The following JAK1 variants were observed in gnomAD, a reference collection of about 807,000 sequenced individuals.
JAK1 encodes the protein tyrosine-protein kinase JAK1.
JAK1 carries 16 observed loss-of-function variants against 136.6 expected under a neutral mutation model. The observed-to-expected ratio is 0.12, with a 90% confidence interval of 0.08 to 0.18. The LOEUF (loss-of-function observed/expected upper bound fraction) is 0.18, where lower values mean the gene tolerates loss of function less well. Among genes scored for constraint, JAK1 ranks in the 10% least tolerant of loss-of-function variants. The pLI is 1.00. For missense variants in JAK1, 859 were observed against 1,450.1 expected, an observed-to-expected ratio of 0.59 and a Z score of 6.62; for synonymous variants, 492 against 519.5, an observed-to-expected ratio of 0.95 and a Z score of 0.72.
At chr1:65,031,613 G>C (rs1647024175) in intron 2 of JAK1, among the ~76,000 whole-genome samples, 1 of 152,182 alleles carries the variant, frequency 6.6e-6, no homozygotes, top group Non-Finnish European at 1.5e-5. Flanking sequence ...CCCTGGATTA[G>C]ATAACAGTAT....
At chr1:64,855,431 G>T in intron 11 of JAK1, 78 bp downstream of exon 11, 1 of 1,361,278 alleles carries the variant, frequency 7.3e-7, no homozygotes, top group Non-Finnish European at 1.0e-6. Flanking sequence ...GTTTAAGTCA[G>T]TCAGCGTGTT....
chr1:65,032,182 T>A (rs1315259428), intron 2 of JAK1, among the ~76,000 whole-genome samples: 1 of 151,684 alleles, frequency 6.6e-6, no homozygotes, highest in African/African-American at 2.4e-5. Flanking sequence ...GCCAGGCTGG[T>A]CTCAAACTCT....
chr1:64,994,275 A>T (rs1416317774), intron 2 of JAK1, among the ~76,000 whole-genome samples: 1 of 152,222 alleles, frequency 6.6e-6, no homozygotes, highest in Non-Finnish European at 1.5e-5. Context: ...AACTTTCATC[A>T]AATAAACATT....
At chr1:64,994,285 T>C (rs771548877) in intron 2 of JAK1, among the ~76,000 whole-genome samples, 3 of 152,188 alleles carry the variant, frequency 2.0e-5, no homozygotes, top group Non-Finnish European at 4.4e-5. Flanking sequence ...AAATAAACAT[T>C]AAGTCATTTG....
rs1469836733 is a variant in JAK1, at chr1:64,973,155, G to A, written c.-78+71325C>T. 2.3e-5 allele frequency: 3 copies of A among 129,784 alleles called. No homozygotes were observed. In the East Asian group the frequency reaches 6.5e-4, roughly 28 times the overall value. The allele number at this position is 129,784 out of a possible 1,614,324, so 8.0% of individuals were successfully genotyped here. On this transcript the variant is annotated intron_variant, in intron 2 of 25. Transcript: ENST00000671954. Reference sequence around the variant, plus strand: ...AGAAAAAGAGAAAGAAAGAAAGAAAGGAAGAAAGGAAGAAAAAGAAAGAAA... The same window carrying A: ...AGAAAAAGAGAAAGAAAGAAAGAAAAGAAGAAAGGAAGAAAAAGAAAGAAA...
intron 1 of JAK1, among the ~76,000 whole-genome samples, chr1:64,889,178 T>C (rs1024088594): frequency 1.3e-5 from 2 of 152,352 alleles, no homozygotes; most frequent in South Asian, 2.1e-4. Context: ...ATAAACACTT[T>C]GGATAATTCC....
chr1:64,929,765 T>C (rs1645655118), intron 1 of JAK1, among the ~76,000 whole-genome samples: 1 of 152,198 alleles, frequency 6.6e-6, no homozygotes, highest in African/African-American at 2.4e-5. Context: ...GGCATCACAC[T>C]ACCTGACTTC....
At chr1:65,054,398 CTT>C (rs1319542350) in intron 1 of JAK1, among the ~76,000 whole-genome samples, 1 of 151,962 alleles carries the variant, frequency 6.6e-6, no homozygotes, top group Admixed American at 6.5e-5. Flanking sequence ...GCTTTAGTCT[CTT>C]ATATATATGA....
chr1:64,858,283 C>G (rs189383039), intron 9 of JAK1, among the ~76,000 whole-genome samples: 1 of 152,090 alleles, frequency 6.6e-6, no homozygotes, highest in South Asian at 2.1e-4. Flanking sequence ...TCTTTGTATC[C>G]CCAGGACCAG....
chr1:64,931,576 G>C (rs148256321), intron 1 of JAK1, among the ~76,000 whole-genome samples: 1 of 151,932 alleles, frequency 6.6e-6, no homozygotes, highest in African/African-American at 2.4e-5. Context: ...CAATTACTAC[G>C]CTCCAGGGGC....
chr1:64,915,221 A>C (rs7549435), intron 1 of JAK1, among the ~76,000 whole-genome samples: 8 of 152,196 alleles, frequency 5.3e-5, no homozygotes, highest in Non-Finnish European at 1.0e-4. Context: ...AAAATATATA[A>C]AGTAGTATAA....
intron 3 of JAK1, among the ~76,000 whole-genome samples, chr1:64,879,946 G>C (rs1370989726): frequency 6.6e-6 from 1 of 152,112 alleles, no homozygotes; most frequent in Non-Finnish European, 1.5e-5. Flanking sequence ...AGGCAGGTTG[G>C]GGGGAGAATG....
chr1:65,036,250 T>G (rs1479081854), intron 2 of JAK1, among the ~76,000 whole-genome samples: 3 of 151,850 alleles, frequency 2.0e-5, no homozygotes, highest in Non-Finnish European at 4.4e-5. Context: ...CTGGGCAAAA[T>G]AGTGAAACCC....
At chr1:64,932,262 A>G (rs1269600237) in intron 1 of JAK1, among the ~76,000 whole-genome samples, 1 of 152,090 alleles carries the variant, frequency 6.6e-6, no homozygotes, top group Non-Finnish European at 1.5e-5. Flanking sequence ...AAATTACAAA[A>G]ATTAGCTGGG....
intron 1 of JAK1, among the ~76,000 whole-genome samples, chr1:64,891,808 G>A (rs1644940551): frequency 6.6e-6 from 1 of 152,186 alleles, no homozygotes; most frequent in Non-Finnish European, 1.5e-5. Flanking sequence ...CAGAACTATG[G>A]CTTTTCTATA....
At chr1:65,066,559 G>GCAGATTAGCTT (rs1648051848) in intron 1 of JAK1, 2 of 151,038 alleles carry the variant, frequency 1.3e-5, no homozygotes, top group Non-Finnish European at 3.0e-5. Context: ...GAATCTGCGT[G>GCAGATTAGCTT]GCAGGGTGCA....
intron 1 of JAK1, among the ~76,000 whole-genome samples, chr1:64,894,270 C>G (rs558674430): frequency 6.6e-6 from 1 of 152,186 alleles, no homozygotes. Flanking sequence ...GAGGAGGAAT[C>G]GAAGAGGTTG....
intron 22 of JAK1, among the ~76,000 whole-genome samples, chr1:64,837,177 C>A (rs1654537441): frequency 6.6e-6 from 1 of 152,220 alleles, no homozygotes; most frequent in Admixed American, 6.5e-5. Context: ...GGCTGCCTAG[C>A]CTGTTAAACT....
intron 21 of JAK1, 57 bp downstream of exon 21, chr1:64,838,401 AACCAATT>A: frequency 6.5e-7 from 1 of 1,544,626 alleles, no homozygotes; most frequent in Non-Finnish European, 8.8e-7. Context: ...TCAAATTACA[AACCAATT>A]ACCCAGGACA....
Sources: gnomAD v4.1 joint callset for allele counts (sites outside exome capture counted in the v4.1 genomes callset) on GRCh38, gnomAD v4.1.1 for gene constraint, MANE v1.5 for transcripts, NCBI Gene and HGNC (gene_info 2026-07-23, HGNC 2026-07-21) for gene names.